The following PIAS2 variants were observed in gnomAD, a reference collection of about 807,000 sequenced individuals.
PIAS2 encodes the protein protein inhibitor of activated STAT 2.
Under a neutral mutation model 69.7 loss-of-function variants are expected in PIAS2, and 19 were observed. The observed-to-expected ratio is 0.27, with a 90% CI of 0.19 to 0.40. PIAS2 has a LOEUF of 0.40. Ranked by LOEUF, PIAS2 falls within the 10% of genes least tolerant of loss-of-function variation. PIAS2 has a pLI of 1.00. For missense variants in PIAS2, 624 were observed against 757.0 expected (o/e 0.82, Z 2.06); for synonymous variants, 261 against 263.2 (o/e 0.99, Z 0.08).
chr18:46,870,311 C>T (rs111973370), intron 2 of PIAS2, among the ~76,000 whole-genome samples: 4 of 151,922 alleles, frequency 2.6e-5, no homozygotes, highest in Admixed American at 6.6e-5. Context: ...CTCAGAAGTT[C>T]GAAATTTAAA....
rs868126161 is a variant in PIAS2 at position 46,850,837 on chromosome 18, A to G, written c.727-3996T>C. On this transcript the variant is annotated intron_variant, in intron 5 of 13. Transcript: ENST00000585916. Reference sequence around the variant, plus strand: ...TGATTGTATTAGCCGAAATGTTTCCATAAAGAGCTTGACCACATCAACAGC... The same window carrying G: ...TGATTGTATTAGCCGAAATGTTTCCGTAAAGAGCTTGACCACATCAACAGC... Among the ~76,000 whole-genome samples the G allele has an allele frequency of 3.9e-5, 6 of 152,216 alleles. No homozygotes were observed. The South Asian group carries it at 1.2e-3, about 32-fold the overall frequency.
chr18:46,897,240 T>C (rs974737762), intron 1 of PIAS2, among the ~76,000 whole-genome samples: 1 of 152,212 alleles, frequency 6.6e-6, no homozygotes, highest in African/African-American at 2.4e-5. Flanking sequence ...GCATAAATAC[T>C]ATTTCCCATA....
intron 13 of PIAS2, among the ~76,000 whole-genome samples, chr18:46,814,454 T>C (rs1220780908): frequency 6.6e-6 from 1 of 152,172 alleles, no homozygotes; most frequent in African/African-American, 2.4e-5. Context: ...ACCTTCGTTA[T>C]ATATACTGCT....
At chr18:46,911,833 C>T (rs1018127269) in intron 1 of PIAS2, among the ~76,000 whole-genome samples, 1 of 152,162 alleles carries the variant, frequency 6.6e-6, no homozygotes, top group African/African-American at 2.4e-5. Flanking sequence ...AGTGGATCAC[C>T]GGAGGTCAGG....
chr18:46,856,340 T>C (rs868189206), intron 3 of PIAS2, among the ~76,000 whole-genome samples: 1 of 152,188 alleles, frequency 6.6e-6, no homozygotes, highest in African/African-American at 2.4e-5. Flanking sequence ...TCACTGGATA[T>C]TCTTATTGAT....
intron 2 of PIAS2, among the ~76,000 whole-genome samples, chr18:46,872,947 AT>A (rs1476280771): frequency 6.6e-6 from 1 of 152,094 alleles, no homozygotes; most frequent in Non-Finnish European, 1.5e-5. Flanking sequence ...TAGAAAAACC[AT>A]TTCACCTTTT....
At chr18:46,914,310 C>T (rs921906697) in intron 1 of PIAS2, among the ~76,000 whole-genome samples, 7 of 152,108 alleles carry the variant, frequency 4.6e-5, no homozygotes, top group Non-Finnish European at 1.0e-4. Context: ...TGACTCTAAG[C>T]CCCCGGCTAT....
intron 8 of PIAS2, among the ~76,000 whole-genome samples, chr18:46,839,530 T>C (rs1359875003): frequency 6.6e-6 from 1 of 152,064 alleles, no homozygotes; most frequent in Non-Finnish European, 1.5e-5. Flanking sequence ...CCTACCACGG[T>C]TTTTACAGTT....
intron 11 of PIAS2, among the ~76,000 whole-genome samples, chr18:46,825,473 G>A (rs2042726462): frequency 6.6e-6 from 1 of 152,140 alleles, no homozygotes. Context: ...AGAACTACAA[G>A]GTGGGTATCA....
rs1161867785 is a variant in PIAS2, at chr18:46,864,180, C to T, written c.568G>A (p.Glu190Lys). ...IFALTPQQVREICISRDFLPG... is the reference protein window; with the variant it reads ...IFALTPQQVRKICISRDFLPG... ...TCCTCTTACCTGGATATGCATATCT[C>T]TCTAACTTGTTGAGGTGTCAAAGCA... Residue 190 changes from glutamate (E) to lysine (K), a missense_variant, in exon 3 of 14, where the codon GAG becomes AAG. Glu to Lys is a moderately conservative substitution (Grantham distance 56). Transcript: ENST00000585916. 6.3e-7 allele frequency: 1 copy of T among 1,578,678 alleles called. No individual in the cohort carries two copies. The highest frequency in any genetic ancestry group is 8.7e-7 in the Non-Finnish European group (1 of 1,154,640).
intron 11 of PIAS2, 96 bp from the exon 12 acceptor site, chr18:46,821,168 C>T (rs2042132417): frequency 1.5e-5 from 18 of 1,235,114 alleles, no homozygotes; most frequent in Non-Finnish European, 2.0e-5. Context: ...GTTCGTTCAC[C>T]AGTTTCAGCA....
chr18:46,909,267 T>A (rs2056988011), intron 1 of PIAS2, among the ~76,000 whole-genome samples: 1 of 149,488 alleles, frequency 6.7e-6, no homozygotes. Context: ...GGGTAAAAAC[T>A]TTTTTTTTTG....
intron 12 of PIAS2, chr18:46,817,705 C>T: frequency 1.1e-6 from 1 of 942,652 alleles, no homozygotes; most frequent in Non-Finnish European, 1.3e-6. Flanking sequence ...AGGGTGCTGT[C>T]TATATAAAAC....
intron 11 of PIAS2, among the ~76,000 whole-genome samples, 186 bp from the exon 12 acceptor site, chr18:46,821,258 A>C (rs887054818): frequency 1.3e-5 from 2 of 152,278 alleles, no homozygotes; most frequent in Non-Finnish European, 2.9e-5. Flanking sequence ...TAACATGAAC[A>C]TATCTTGGCT....
intron 1 of PIAS2, among the ~76,000 whole-genome samples, chr18:46,896,164 G>GCAAAAAAAAAAAAAAAAAAAAAAAAA (rs2054838053): frequency 4.5e-5 from 1 of 22,322 alleles, no homozygotes; most frequent in Non-Finnish European, 1.0e-4. Flanking sequence ...AAAGAAAAAA[G>GCAAAAAAAAAAAAAAAAAAAAAAAAA]CAAAAAAAAA....
rs771237830 is a variant in PIAS2, at chr18:46,828,147, A to G, written c.1337-17T>C. 3 of 1,580,026 alleles carry G rather than the reference A, an allele frequency of 1.9e-6. No individual in the cohort carries two copies. Among genetic ancestry groups the G allele is most frequent in the Non-Finnish European group, 2.6e-6 (3 of 1,166,310 alleles). On this transcript the variant is annotated splice_polypyrimidine_tract_variant and intron_variant, in intron 10 of 13. Coordinates refer to ENST00000585916, the MANE Select transcript of PIAS2 (RefSeq NM_004671.5). Reference sequence around the variant, plus strand: ...CGCTTGAACCTGCATGTAAAGAAACAAAAGGAAAAAAAAATTAAAGGTATA... The same window carrying G: ...CGCTTGAACCTGCATGTAAAGAAACGAAAGGAAAAAAAAATTAAAGGTATA...
At chr18:46,873,871 C>T (rs1447918481) in intron 2 of PIAS2, among the ~76,000 whole-genome samples, 1 of 152,152 alleles carries the variant, frequency 6.6e-6, no homozygotes, top group Non-Finnish European at 1.5e-5. Flanking sequence ...TTTTCACCTC[C>T]CTCCTTGCCT....
Position 46,808,999 on chromosome 18 carries a change from T to C in PIAS2, c.*3434A>G, listed in dbSNP as rs2040846075. On this transcript the variant is annotated 3_prime_UTR_variant, in exon 14 of 14. Coordinates refer to ENST00000585916, the MANE Select transcript of PIAS2 (RefSeq NM_004671.5). ...AACTTGGCTGGAAATGCTGAGTGTC[T>C]TGGACTGGTCTGAAGGAAGAACATC... 1 of 152,160 alleles carries C rather than the reference T, an allele frequency of 6.6e-6. No homozygotes were observed. The highest frequency in any genetic ancestry group is 2.1e-4 in the South Asian group (1 of 4,832). The allele number at this position is 152,160 out of a possible 1,614,324, so 9.4% of individuals were successfully genotyped here. A position where few individuals can be genotyped will look rare whatever the true frequency, so the allele number is the denominator to read the frequency against.
At chr18:46,850,867 C>A (rs2145355285) in intron 5 of PIAS2, among the ~76,000 whole-genome samples, 1 of 152,316 alleles carries the variant, frequency 6.6e-6, no homozygotes, top group East Asian at 1.9e-4. Context: ...AACAGCTGGT[C>A]ACCTTGAAAT....
Sources: gnomAD v4.1 joint callset for allele counts (sites outside exome capture counted in the v4.1 genomes callset) on GRCh38, gnomAD v4.1.1 for gene constraint, MANE v1.5 for transcripts, NCBI Gene and HGNC (gene_info 2026-07-23, HGNC 2026-07-21) for gene names.